Variants in PLEKHA8 observed in about 807,000 individuals in gnomAD.
PLEKHA8 encodes pleckstrin homology domain containing A8, also known as pleckstrin homology domain-containing family A member 8.
In PLEKHA8, 36 loss-of-function variants were observed where a neutral mutation model predicts 68.2. The observed-to-expected ratio is 0.53, with a 90% confidence interval of 0.40 to 0.70. The LOEUF is 0.70. PLEKHA8 is among the 30% of genes least tolerant of loss of function. The pLI, the probability that PLEKHA8 is intolerant of heterozygous loss-of-function variation, is 0.00. For synonymous variants in PLEKHA8, 211 were observed against 216.1 expected, an observed-to-expected ratio of 0.98 and a Z score of 0.20; for missense variants, 505 against 615.4, an observed-to-expected ratio of 0.82 and a Z score of 1.90.
chr7:30,096,736 G>A (rs1249542621), intron 13 of PLEKHA8, among the ~76,000 whole-genome samples: 1 of 152,120 alleles, frequency 6.6e-6, no homozygotes, highest in Non-Finnish European at 1.5e-5. Context: ...TGTGAGATGG[G>A]TTTCCTGAAT....
chr7:30,034,119 C>T (rs574909378), intron 1 of PLEKHA8, among the ~76,000 whole-genome samples: 103 of 138,262 alleles, frequency 7.4e-4, no homozygotes, highest in African/African-American at 2.6e-3. Context: ...AGCAATTCTC[C>T]TGCCTCAGCC....
intron 13 of PLEKHA8, among the ~76,000 whole-genome samples, chr7:30,118,736 C>T (rs1362094584): frequency 6.6e-6 from 1 of 152,106 alleles, no homozygotes; most frequent in African/African-American, 2.4e-5. Context: ...CGCCGCCACG[C>T]CTGGCTAATT....
At chr7:30,070,640 A>C (rs556703069) in intron 12 of PLEKHA8, among the ~76,000 whole-genome samples, 240 of 148,350 alleles carry the variant, frequency 1.6e-3, no homozygotes, top group African/African-American at 5.7e-3. Flanking sequence ...TCTGCCTCCC[A>C]GGTTCAAGCA....
chr7:30,045,101 G>C lies in PLEKHA8; in HGVS notation c.57G>C (p.Trp19Cys). 5 of 1,605,566 alleles carry C rather than the reference G, an allele frequency of 3.1e-6. No individual in the cohort carries two copies. Among genetic ancestry groups the C allele is most frequent in the Non-Finnish European group, 4.2e-6 (5 of 1,177,074 alleles). Reference sequence around the variant, plus strand: ...TGTTTTCAGGTTGGCAGCCTCGATGGTTCCTTCTCTGTGGGGGAATATTGT... The same window carrying C: ...TGTTTTCAGGTTGGCAGCCTCGATGCTTCCTTCTCTGTGGGGGAATATTGT... Reference protein sequence around the residue: ...TNYLSGWQPRWFLLCGGILSY... With the variant: ...TNYLSGWQPRCFLLCGGILSY... The change falls in exon 2 of 14, where the codon TGG becomes TGC. Residue 19 changes from tryptophan to cysteine, a missense_variant. Coordinates refer to ENST00000449726, the MANE Select transcript of PLEKHA8 (RefSeq NM_001197026.2).
chr7:30,109,641 C>T (rs530481216), intron 13 of PLEKHA8, among the ~76,000 whole-genome samples: 1 of 135,916 alleles, frequency 7.4e-6, no homozygotes, highest in African/African-American at 2.7e-5. Context: ...TGTGTAACTA[C>T]AGACATTATT....
chr7:30,119,362 A>G (rs1288053459), intron 13 of PLEKHA8, among the ~76,000 whole-genome samples: 1 of 152,190 alleles, frequency 6.6e-6, no homozygotes, highest in African/African-American at 2.4e-5. Flanking sequence ...GCGGAGGTTA[A>G]ATCTCATAGC....
chr7:30,070,131 GT>G (rs140563794), intron 12 of PLEKHA8, among the ~76,000 whole-genome samples: 27,747 of 145,322 alleles, frequency 0.19, 2,581 homozygotes, highest in Middle Eastern at 0.23. Flanking sequence ...TTTGGGAAGT[GT>G]TTTTTTTTTT....
intron 1 of PLEKHA8, among the ~76,000 whole-genome samples, chr7:30,036,411 G>A (rs1184941749): frequency 1.3e-4 from 1 of 7,888 alleles, no homozygotes. Flanking sequence ...GGATAGAATA[G>A]ATAGATAGAT....
intron 1 of PLEKHA8, among the ~76,000 whole-genome samples, chr7:30,033,415 C>G (rs1211680967): frequency 6.6e-6 from 1 of 152,148 alleles, no homozygotes; most frequent in Non-Finnish European, 1.5e-5. Flanking sequence ...TTGTGGCTGG[C>G]TGCTTTCCCG....
Position 30,127,478 on chromosome 7 carries a change from T to C in PLEKHA8, c.1363-1788T>C, listed in dbSNP as rs114192385. Among the ~76,000 whole-genome samples the C allele has an allele frequency of 7.3e-3, 1,105 of 152,356 alleles. 17 individuals are homozygous for C. Among genetic ancestry groups the C allele is most frequent in the African/African-American group, 0.026 (1,063 of 41,580 alleles). ...AGTTAACTTTGTAAGTGATTAATAC[T>C]ATATGGACCTGGATTTTGCAAGCCA... On this transcript the variant is annotated intron_variant, in intron 13 of 13. Transcript: ENST00000396257.
chr7:30,083,461 T>C lies in PLEKHA8; in HGVS notation c.*4674T>C. On this transcript the variant is annotated 3_prime_UTR_variant, in exon 14 of 14. Coordinates refer to ENST00000449726, the MANE Select transcript of PLEKHA8 (RefSeq NM_001197026.2). ...TCCCTGTAAATGTTCCCAATTCCCA[T>C]CCTGTCTCAGACAGTCAATAGTCCT... 3 of 985,364 alleles carry C rather than the reference T, an allele frequency of 3.0e-6. No individual in the cohort carries two copies. Among genetic ancestry groups the C allele is most frequent in the Non-Finnish European group, 3.6e-6 (3 of 829,878 alleles). The allele number at this position is 985,364 out of a possible 1,614,324, so 61.0% of individuals were successfully genotyped here.
chr7:30,079,389 T>G lies in PLEKHA8; in HGVS notation c.*602T>G. 1.0e-6 allele frequency: 1 copy of G among 985,910 alleles called. No homozygotes were observed. The highest frequency in any genetic ancestry group is 1.2e-6 in the Non-Finnish European group (1 of 830,352). The allele number at this position is 985,910 out of a possible 1,614,324, so 61.1% of individuals were successfully genotyped here. On this transcript the variant is annotated 3_prime_UTR_variant, in exon 14 of 14. Coordinates refer to ENST00000449726, the MANE Select transcript of PLEKHA8 (RefSeq NM_001197026.2). ...GAAGACGTGGACAGGAGTCCCATCC[T>G]TGCTGACAGGCATGAAACCGTTGCT...
Position 30,080,970 on chromosome 7 carries a change from C to T in PLEKHA8, c.*2183C>T, listed in dbSNP as rs1794902174. 2.0e-6 allele frequency: 2 copies of T among 985,218 alleles called. No homozygotes were observed. Among genetic ancestry groups the T allele is most frequent in the African/African-American group, 1.7e-5 (1 of 57,208 alleles). 61.0% of individuals were successfully genotyped at this position (985,218 alleles called of 1,614,324 possible). The stretch of plus-strand genomic sequence containing the variant: ...ATCATTCTAAACAGCTGCTGGTGCT[C>T]CCTGTCACCTCAGGTGAACTCTGTG... On this transcript the variant is annotated 3_prime_UTR_variant, in exon 14 of 14. Transcript: ENST00000449726.
rs554419289 is a variant in PLEKHA8, at chr7:30,050,652, C to T, written c.638+178C>T. 2.3e-5 allele frequency: 18 copies of T among 785,812 alleles called. No individual in the cohort carries two copies. In the South Asian group the frequency reaches 3.9e-4, roughly 17 times the overall value. The allele number at this position is 785,812 out of a possible 1,614,324, so 48.7% of individuals were successfully genotyped here. A position where few individuals can be genotyped will look rare whatever the true frequency, so the allele number is the denominator to read the frequency against. The stretch of plus-strand genomic sequence containing the variant: ...TGAGCCTGAATCAACCCAGAGCAGA[C>T]CTTTTACTTAGCACTAATAGGGAAG... On this transcript the variant is annotated intron_variant, in intron 6 of 13. Transcript: ENST00000449726.
Position 30,045,196 on chromosome 7 carries a change from T to A in PLEKHA8, c.152T>A (p.Ile51Asn), listed in dbSNP as rs1297926317. The A allele has an allele frequency of 6.3e-7, 1 of 1,590,364 alleles. No homozygotes were observed. The highest frequency in any genetic ancestry group is 2.2e-5 in the East Asian group (1 of 44,674). The change falls in exon 2 of 14, where the codon ATT (isoleucine) becomes AAT (asparagine). Residue 51 changes from isoleucine (I) to asparagine (N), a missense_variant. Physicochemically the swap from Ile to Asn is moderately radical, Grantham distance 149. Transcript: ENST00000449726. ...KGSIQMAVCE[I>N]QVHSVDNTRM... ...AGCATACAAATGGCAGTCTGTGAAATTCAAGGTGAGAAATCAAGCAACTTG... is the reference window on the plus strand; with the variant it reads ...AGCATACAAATGGCAGTCTGTGAAAATCAAGGTGAGAAATCAAGCAACTTG...
intron 13 of PLEKHA8, chr7:30,115,888 G>A (rs911720612): frequency 1.7e-4 from 24 of 140,636 alleles, no homozygotes; most frequent in African/African-American, 5.0e-4. Context: ...ACGCATACAT[G>A]CGTATACATG....
intron 1 of PLEKHA8, among the ~76,000 whole-genome samples, chr7:30,033,699 C>A (rs1790830284): frequency 6.6e-6 from 1 of 152,122 alleles, no homozygotes; most frequent in Non-Finnish European, 1.5e-5. Context: ...CCTATGATAA[C>A]TCTTTATTTA....
At chr7:30,048,589 A>T (rs1792150619) in intron 4 of PLEKHA8, among the ~76,000 whole-genome samples, 1 of 152,230 alleles carries the variant, frequency 6.6e-6, no homozygotes, top group African/African-American at 2.4e-5. Flanking sequence ...TCTGGTGTTA[A>T]GCTATGTATA....
chr7:30,124,978 C>T (rs1296412436), intron 13 of PLEKHA8, among the ~76,000 whole-genome samples: 3 of 150,724 alleles, frequency 2.0e-5, no homozygotes, highest in African/African-American at 4.9e-5. Flanking sequence ...GCCATTCTTT[C>T]GTCATAATTT....
Sources: gnomAD v4.1 joint callset for allele counts (sites outside exome capture counted in the v4.1 genomes callset) on GRCh38, gnomAD v4.1.1 for gene constraint, MANE v1.5 for transcripts, NCBI Gene and HGNC (gene_info 2026-07-23, HGNC 2026-07-21) for gene names.